DIAPH3: variants seen among roughly 807,000 people sequenced by gnomAD.
DIAPH3 encodes the protein protein diaphanous homolog 3.
A neutral mutation model predicts 144.3 loss-of-function variants in DIAPH3; 117 were observed. The ratio of observed to expected loss-of-function variants is 0.81; its 90% CI spans 0.70 to 0.95. DIAPH3 has a LOEUF of 0.95. Ranked by LOEUF, DIAPH3 falls within the 40% of genes least tolerant of loss-of-function variation. The probability of loss-of-function intolerance (pLI) is 0.00; values close to 1 mark genes in which losing one functional copy is unlikely to be tolerated. For synonymous variants in DIAPH3, 519 were observed against 488.9 expected (o/e 1.06, Z -0.81); for missense variants, 1,421 against 1,412.7 (o/e 1.01, Z -0.09).
At chr13:59,875,550 C>T (rs139674686) in intron 21 of DIAPH3, among the ~76,000 whole-genome samples, 1 of 151,884 alleles carries the variant, frequency 6.6e-6, no homozygotes, top group Non-Finnish European at 1.5e-5. Context: ...CCTGACGAAA[C>T]TGACTCATTT....
chr13:59,774,173 A>G lies in DIAPH3; in HGVS notation c.3319+16T>C, dbSNP rs1260752220. Reference sequence around the variant, plus strand: ...TAGATAAGAAGAATGTGCAATTTATAAATACGGTTTATTACCATGGTTACA... The same window carrying G: ...TAGATAAGAAGAATGTGCAATTTATGAATACGGTTTATTACCATGGTTACA... On this transcript the variant is annotated intron_variant, in intron 27 of 27. Transcript: ENST00000400324. 1 of 1,611,584 alleles carries G rather than the reference A, an allele frequency of 6.2e-7. No individual in the cohort carries two copies. The highest frequency in any genetic ancestry group is 8.5e-7 in the Non-Finnish European group (1 of 1,178,684).
intron 25 of DIAPH3, among the ~76,000 whole-genome samples, chr13:59,777,385 G>T (rs891749694): frequency 2.0e-5 from 3 of 152,062 alleles, no homozygotes; most frequent in African/African-American, 7.2e-5. Context: ...ATGTAGGAAG[G>T]AGAGTTCCTC....
At chr13:60,008,780 T>C (rs1458464221) in intron 8 of DIAPH3, 131 bp from the exon 9 acceptor site, 1 of 699,002 alleles carries the variant, frequency 1.4e-6, no homozygotes, top group African/African-American at 1.8e-5. Context: ...ACTGAGTACA[T>C]ACCATGTATC....
Position 59,774,719 on chromosome 13 carries a change from A to C in DIAPH3, c.3259+9T>G. 1.2e-6 allele frequency: 2 copies of C among 1,612,704 alleles called. No homozygotes were observed. Among genetic ancestry groups the C allele is most frequent in the Non-Finnish European group, 1.7e-6 (2 of 1,178,682 alleles). On this transcript the variant is annotated intron_variant, in intron 26 of 27. Transcript: ENST00000400324. ...CTAGAAAGTAACATGAAACAAGTAT[A>C]GGGTTCACCTTTTGGCATCGGTGTC...
At chr13:60,071,421 G>C (rs957361110) in intron 4 of DIAPH3, among the ~76,000 whole-genome samples, 2 of 152,184 alleles carry the variant, frequency 1.3e-5, no homozygotes, top group African/African-American at 4.8e-5. Flanking sequence ...TTATCCTTCA[G>C]ATATAGTGGG....
At chr13:60,136,158 C>T (rs1594756049) in intron 1 of DIAPH3, among the ~76,000 whole-genome samples, 1 of 151,958 alleles carries the variant, frequency 6.6e-6, no homozygotes, top group Admixed American at 6.6e-5. Flanking sequence ...TTTGTAAATA[C>T]AAAACTATAA....
At chr13:59,800,703 T>C (rs2039859784) in intron 25 of DIAPH3, among the ~76,000 whole-genome samples, 1 of 152,076 alleles carries the variant, frequency 6.6e-6, no homozygotes, top group African/African-American at 2.4e-5. Flanking sequence ...TCCTTCAGAA[T>C]CCCATGGAAC....
intron 27 of DIAPH3, among the ~76,000 whole-genome samples, chr13:59,735,112 ATT>A (rs141064680): frequency 9.9e-5 from 15 of 151,748 alleles, no homozygotes; most frequent in Admixed American, 9.9e-4. Context: ...GAAAAACAGA[ATT>A]TTTTTTTACT....
chr13:60,034,938 T>C (rs1467940264), intron 5 of DIAPH3, among the ~76,000 whole-genome samples: 1 of 152,122 alleles, frequency 6.6e-6, no homozygotes, highest in Non-Finnish European at 1.5e-5. Context: ...CTGTGTCACA[T>C]TGTGACTCAC....
At position 59,698,902 on chromosome 13, in the gene DIAPH3, T is replaced by A. The variant is rs535970761; in HGVS notation, c.3320-32056A>T. ...TCGGGAAGTTAAATTTATACAAATTTAAAATTATGTCCTCTCTCCTTTTTG... is the reference window on the plus strand; with the variant it reads ...TCGGGAAGTTAAATTTATACAAATTAAAAATTATGTCCTCTCTCCTTTTTG... On this transcript the variant is annotated intron_variant, in intron 27 of 27. Transcript: ENST00000400324. 3.3e-5 allele frequency among the ~76,000 whole-genome samples: 5 copies of A among 152,332 alleles called. No homozygotes were observed. In the South Asian group the frequency reaches 1.0e-3, roughly 32 times the overall value.
intron 4 of DIAPH3, among the ~76,000 whole-genome samples, chr13:60,056,341 CATAG>C (rs1317615014): frequency 3.3e-5 from 5 of 151,360 alleles, no homozygotes; most frequent in East Asian, 1.9e-4. Context: ...GATACATAGA[CATAG>C]ATAGATGAAA....
At chr13:59,995,021 G>A (rs917652222) in intron 9 of DIAPH3, among the ~76,000 whole-genome samples, 30 of 151,782 alleles carry the variant, frequency 2.0e-4, no homozygotes, top group Non-Finnish European at 5.9e-5. Context: ...TTGATAGAAT[G>A]AGGTAGAAGA....
At chr13:59,703,389 A>G (rs963179170) in intron 27 of DIAPH3, among the ~76,000 whole-genome samples, 2 of 152,224 alleles carry the variant, frequency 1.3e-5, no homozygotes, top group African/African-American at 2.4e-5. Flanking sequence ...CGGACAATGC[A>G]GTGTTAAACC....
At chr13:59,913,871 T>A (rs1264698625) in intron 19 of DIAPH3, among the ~76,000 whole-genome samples, 1 of 151,772 alleles carries the variant, frequency 6.6e-6, no homozygotes, top group Non-Finnish European at 1.5e-5. Flanking sequence ...GGCAGAAGAA[T>A]AGCTTGAACC....
At chr13:60,015,276 TGA>T (rs2053562324) in intron 7 of DIAPH3, among the ~76,000 whole-genome samples, 1 of 152,122 alleles carries the variant, frequency 6.6e-6, no homozygotes, top group Non-Finnish European at 1.5e-5. Flanking sequence ...AGATTATAGG[TGA>T]GAGCCACAAG....
At chr13:60,124,784 G>T (rs1207646943) in intron 2 of DIAPH3, among the ~76,000 whole-genome samples, 1 of 151,988 alleles carries the variant, frequency 6.6e-6, no homozygotes, top group Non-Finnish European at 1.5e-5. Context: ...TGGGGCTACA[G>T]TGAGCTGTGT....
intron 27 of DIAPH3, among the ~76,000 whole-genome samples, chr13:59,706,307 G>A (rs1229975100): frequency 1.3e-5 from 2 of 152,036 alleles, no homozygotes; most frequent in African/African-American, 4.8e-5. Context: ...GGATACAGAC[G>A]GTCAACTGCA....
At chr13:59,701,865 C>T (rs531468300) in intron 27 of DIAPH3, among the ~76,000 whole-genome samples, 13 of 152,310 alleles carry the variant, frequency 8.5e-5, no homozygotes, top group Non-Finnish European at 1.3e-4. Flanking sequence ...CCCTGGGCAG[C>T]GCTCCAATTT....
Position 59,921,076 on chromosome 13 carries a change from A to T in DIAPH3, c.2170+3699T>A, listed in dbSNP as rs550360070. Among the ~76,000 whole-genome samples, 12 of 151,784 alleles carry T rather than the reference A, an allele frequency of 7.9e-5. No homozygotes were observed. The South Asian group carries it at 1.7e-3, about 21-fold the overall frequency. ...AGGGAAACACAACATACCAAAATAT[A>T]TGGGATATAGCAAAAGCAGATCTAA... is the stretch of plus-strand genomic sequence containing the variant. On this transcript the variant is annotated intron_variant, in intron 18 of 27. Coordinates refer to ENST00000400324, the MANE Select transcript of DIAPH3 (RefSeq NM_001042517.2).
Sources: gnomAD v4.1 joint callset for allele counts (sites outside exome capture counted in the v4.1 genomes callset) on GRCh38, gnomAD v4.1.1 for gene constraint, MANE v1.5 for transcripts, NCBI Gene and HGNC (gene_info 2026-07-23, HGNC 2026-07-21) for gene names.